The following MAOB variants were observed in gnomAD, a reference collection of about 807,000 sequenced individuals.
MAOB encodes monoamine oxidase B.
In MAOB, 15 loss-of-function variants were observed where a neutral mutation model predicts 41.9. The observed-to-expected ratio is 0.36, with a 90% CI of 0.24 to 0.55. MAOB has a LOEUF of 0.55. Ranked by LOEUF, MAOB falls within the 20% of genes least tolerant of loss-of-function variation. The probability of loss-of-function intolerance (pLI) is 0.86; values close to 1 mark genes in which losing one functional copy is unlikely to be tolerated. For synonymous variants in MAOB, 167 were observed against 144.2 expected (o/e 1.16, Z -1.13); for missense variants, 345 against 398.7 (o/e 0.87, Z 1.15).
intron 12 of MAOB, among the ~76,000 whole-genome samples, chrX:43,772,992 T>C (rs1441978600): frequency 1.8e-5 from 2 of 112,137 alleles, no homozygotes; most frequent in African/African-American, 6.5e-5. Flanking sequence ...TATGAGCCAA[T>C]TAAACCTTTT....
At position 43,767,744 on chromosome X, in the gene MAOB, T is replaced by A. The variant is rs181157393; in HGVS notation, c.1411-126A>T. Reference sequence around the variant, plus strand: ...ACGTCTAGACCAGTAAACACGATGTTCCCTCTGCTTATACTGTTTACCCTG... The same window carrying A: ...ACGTCTAGACCAGTAAACACGATGTACCCTCTGCTTATACTGTTTACCCTG... On this transcript the variant is annotated intron_variant, in intron 14 of 14. Transcript: ENST00000378069. The A allele has an allele frequency of 8.8e-5, 49 of 558,577 alleles. No homozygotes were observed. In the East Asian group the frequency reaches 1.7e-3, roughly 19 times the overall value. The allele number at this position is 558,577 out of a possible 1,213,427, so 46.0% of individuals were successfully genotyped here.
At chrX:43,841,948 G>A (rs2035142242) in intron 2 of MAOB, among the ~76,000 whole-genome samples, 1 of 111,365 alleles carries the variant, frequency 9.0e-6, no homozygotes, top group Non-Finnish European at 1.9e-5. Context: ...ACTTAAACAC[G>A]AGACCTGAAA....
chrX:43,796,990 C>T (rs1274991730), intron 6 of MAOB, 135 bp downstream of exon 6: 6 of 611,620 alleles, frequency 9.8e-6, no homozygotes, highest in Non-Finnish European at 1.2e-5. Context: ...ACAAGAAACA[C>T]TTTGAGCTGC....
rs915045685 is a variant in MAOB at position 43,843,588 on chromosome X, G to A, written c.141+82C>T. On this transcript the variant is annotated intron_variant, in intron 2 of 14. Transcript: ENST00000378069. The stretch of plus-strand genomic sequence containing the variant: ...CCTCTTAGAGTCAAATGAAATTGAA[G>A]ACTTTTGGGGAAAAAGACAAAAATG... The A allele has an allele frequency of 1.4e-5, 13 of 900,512 alleles. No individual in the cohort carries two copies. The Admixed American group carries it at 2.0e-4, about 14-fold the overall frequency. 74.2% of individuals were successfully genotyped at this position (900,512 alleles called of 1,213,427 possible). A position where few individuals can be genotyped will look rare whatever the true frequency, so the allele number is the denominator to read the frequency against.
intron 8 of MAOB, among the ~76,000 whole-genome samples, chrX:43,787,867 G>T (rs3027445): frequency 0.015 from 1,675 of 112,084 alleles, 46 homozygotes; most frequent in African/African-American, 0.05. Flanking sequence ...TTTACAAAAT[G>T]ATACTTTGTT....
chrX:43,855,521 C>T (rs183507463), intron 1 of MAOB, among the ~76,000 whole-genome samples: 193 of 111,261 alleles, frequency 1.7e-3, no homozygotes, highest in African/African-American at 5.6e-3. Flanking sequence ...GAAGCTACAA[C>T]TGCTTCTTCA....
In MAOB at chrX:43,767,631, AACATTGGGTATTAGT is replaced by A; in HGVS notation, c.1411-28_1411-14del. On this transcript the variant is annotated splice_polypyrimidine_tract_variant and intron_variant, in intron 14 of 14. Coordinates refer to ENST00000378069, the MANE Select transcript of MAOB (RefSeq NM_000898.5). ...GTGCAGGGACATCCTAGGTTCAGAA[AACATTGGGTATTAGT>A]ACAGGGCTTGTGCACTTTATTCCAG... 1 of 1,201,391 alleles carries A rather than the reference AACATTGGGTATTAGT, an allele frequency of 8.3e-7. No homozygotes were observed. The highest frequency in any genetic ancestry group is 1.1e-6 in the Non-Finnish European group (1 of 888,655).
intron 1 of MAOB, among the ~76,000 whole-genome samples, chrX:43,861,227 C>A (rs901063802): frequency 2.7e-5 from 3 of 112,412 alleles, no homozygotes; most frequent in Non-Finnish European, 5.6e-5. Context: ...TTGTTGCTGG[C>A]AGGAAAGAAT....
chrX:43,872,417 G>A (rs372818624), intron 1 of MAOB, among the ~76,000 whole-genome samples: 20 of 111,661 alleles, frequency 1.8e-4, no homozygotes, highest in African/African-American at 6.5e-4. Context: ...GTTTCCTATT[G>A]AAATGGCTAA....
intron 3 of MAOB, among the ~76,000 whole-genome samples, chrX:43,835,731 A>G (rs1789301830): frequency 9.0e-6 from 1 of 111,521 alleles, no homozygotes; most frequent in African/African-American, 3.3e-5. Context: ...CAACTACCAC[A>G]GAACTGGTGA....
intron 1 of MAOB, among the ~76,000 whole-genome samples, chrX:43,859,421 T>C (rs903844297): frequency 2.7e-5 from 3 of 111,949 alleles, no homozygotes; most frequent in Admixed American, 9.5e-5. Flanking sequence ...GTTTTTAATT[T>C]TCCATTGTAC....
intron 8 of MAOB, among the ~76,000 whole-genome samples, chrX:43,783,763 A>G (rs1250055399): frequency 9.0e-6 from 1 of 111,639 alleles, no homozygotes; most frequent in East Asian, 2.8e-4. Context: ...ACAACAACGA[A>G]GTTTGCCACA....
intron 8 of MAOB, among the ~76,000 whole-genome samples, chrX:43,784,214 C>T (rs2034371604): frequency 8.9e-6 from 1 of 112,582 alleles, no homozygotes; most frequent in South Asian, 3.6e-4. Flanking sequence ...TATTGACATC[C>T]TTCCATGAAT....
chrX:43,784,854 C>T (rs764153822), intron 8 of MAOB, among the ~76,000 whole-genome samples: 10 of 112,341 alleles, frequency 8.9e-5, no homozygotes, highest in African/African-American at 2.9e-4. Flanking sequence ...ATATTAAAAA[C>T]CTGTTGTTTC....
At chrX:43,837,441 G>A (rs2035083983) in intron 3 of MAOB, among the ~76,000 whole-genome samples, 1 of 111,984 alleles carries the variant, frequency 8.9e-6, no homozygotes, top group South Asian at 3.7e-4. Context: ...CAGGTGATCC[G>A]CCCGCCTCAG....
At chrX:43,843,357 T>A (rs201373154) in intron 2 of MAOB, among the ~76,000 whole-genome samples, 33 of 83,732 alleles carry the variant, frequency 3.9e-4, no homozygotes, top group African/African-American at 4.8e-4. Context: ...TCTCTCTGTC[T>A]CACACACACA....
rs758676207 is a variant in MAOB at position 43,800,254 on chromosome X, A to G, written c.476+1918T>C. On this transcript the variant is annotated intron_variant, in intron 5 of 14. Coordinates refer to ENST00000378069, the MANE Select transcript of MAOB (RefSeq NM_000898.5). The stretch of plus-strand genomic sequence containing the variant: ...ATCCCAAAAACATATGATTGATTTT[A>G]TCACCAAGAAACTTAAAAGTTCTCT... 9.0e-5 allele frequency among the ~76,000 whole-genome samples: 10 copies of G among 111,450 alleles called. No homozygotes were observed. In the East Asian group the frequency reaches 1.7e-3, roughly 19 times the overall value.
At chrX:43,768,843 A>G in intron 13 of MAOB, 127 bp from the exon 14 acceptor site, 1 of 543,224 alleles carries the variant, frequency 1.8e-6, no homozygotes, top group Non-Finnish European at 3.1e-6. Flanking sequence ...AGGCCAGAAC[A>G]CTCCATACAA....
intron 2 of MAOB, among the ~76,000 whole-genome samples, chrX:43,842,529 C>T (rs908011445): frequency 5.4e-5 from 6 of 112,092 alleles, no homozygotes; most frequent in South Asian, 3.7e-4. Flanking sequence ...AAATGGAAAA[C>T]TAAAAATAGA....
Sources: gnomAD v4.1 joint callset for allele counts (sites outside exome capture counted in the v4.1 genomes callset) on GRCh38, gnomAD v4.1.1 for gene constraint, MANE v1.5 for transcripts, NCBI Gene and HGNC (gene_info 2026-07-23, HGNC 2026-07-21) for gene names.